DENND3: variants seen among roughly 807,000 people sequenced by gnomAD.
DENND3 encodes the protein DENN domain containing 3.
A neutral mutation model predicts 135.1 loss-of-function variants in DENND3; 88 were observed. That is an observed-to-expected ratio of 0.65 (90% CI 0.55 to 0.78). The LOEUF (loss-of-function observed/expected upper bound fraction) is 0.78. DENND3 is among the 30% of genes least tolerant of loss of function. The pLI, the probability that DENND3 is intolerant of heterozygous loss-of-function variation, is 0.00. For synonymous variants in DENND3, 693 were observed against 712.3 expected, an observed-to-expected ratio of 0.97 and a Z score of 0.43; for missense variants, 1,392 against 1,688.4, an observed-to-expected ratio of 0.82 and a Z score of 3.08.
intron 8 of DENND3, chr8:141,158,116 G>A (rs1819668422): frequency 4.7e-6 from 6 of 1,266,662 alleles, no homozygotes; most frequent in Non-Finnish European, 6.1e-6. Flanking sequence ...AGGCCTTAAA[G>A]CCAAGCGATG....
In DENND3 at chr8:141,175,165, G is replaced by A. The variant is rs147986857; in HGVS notation, c.2276-35G>A. The A allele has an allele frequency of 8.7e-5, 139 of 1,590,958 alleles. No homozygotes were observed. Among genetic ancestry groups the A allele is most frequent in the African/African-American group, 2.3e-4 (17 of 74,260 alleles). On this transcript the variant is annotated intron_variant, in intron 13 of 22. Coordinates refer to ENST00000519811, the MANE Select transcript of DENND3 (RefSeq NM_001352890.3). The surrounding 1 kb of genome is among the most constrained non-coding windows in gnomAD (Gnocchi z 5.4). ...CTTGGGGCTCCCGAGGTATGTGGCTGTAAGATACCTCTCTTTTCTTCTTAT... is the reference window on the plus strand; with the variant it reads ...CTTGGGGCTCCCGAGGTATGTGGCTATAAGATACCTCTCTTTTCTTCTTAT...
At position 141,150,778 on chromosome 8, in the gene DENND3, G is replaced by A. The variant is rs1212210202; in HGVS notation, c.736-56G>A. 8 of 1,517,800 alleles carry A rather than the reference G, an allele frequency of 5.3e-6. No homozygotes were observed. In the African/African-American group the frequency reaches 7.0e-5, roughly 13 times the overall value. 94.0% of individuals were successfully genotyped at this position (1,517,800 alleles called of 1,614,324 possible). A position where few individuals can be genotyped will look rare whatever the true frequency, so the allele number is the denominator to read the frequency against. ...CACCGAAATAGTGACAGTAGTGCAC[G>A]TCAGCCTCTGCCCGGAGCAGCTCTC... On this transcript the variant is annotated intron_variant, in intron 5 of 22. Transcript: ENST00000519811.
intron 5 of DENND3, chr8:141,150,136 C>T (rs1354828438): frequency 2.4e-5 from 8 of 335,628 alleles, no homozygotes; most frequent in South Asian, 4.6e-5. Context: ...CTTTGGGTGC[C>T]GAGCTGGGCA....
intron 1 of DENND3, among the ~76,000 whole-genome samples, chr8:141,135,341 G>A (rs1029960015): frequency 1.3e-5 from 2 of 151,794 alleles, no homozygotes; most frequent in Admixed American, 6.6e-5. Flanking sequence ...TTGTAGAGAC[G>A]AGGTCTCATT....
rs1270330754 is a variant in DENND3, at chr8:141,194,048, C to T, written c.3652C>T (p.Arg1218Ter). ...TCCCTGGCAGGTCTGGGTGGGCAGC[C>T]GAGGGCTGGGGCAGGGAACACCCAA... ...RVKKQVWVGS[R>*]GLGQGTPKGK... The change falls in exon 23 of 23, where the codon CGA becomes TGA. Residue 1218 changes from arginine to a stop codon, truncating the protein, a stop_gained. Transcript: ENST00000519811. LOFTEE classifies it high-confidence loss of function. 23 of 1,613,454 alleles carry T rather than the reference C, an allele frequency of 1.4e-5. No individual in the cohort carries two copies. The highest frequency in any genetic ancestry group is 2.2e-5 in the East Asian group (1 of 44,862).
intron 1 of DENND3, among the ~76,000 whole-genome samples, chr8:141,132,190 G>A (rs1024393120): frequency 6.6e-6 from 1 of 152,096 alleles, no homozygotes; most frequent in Non-Finnish European, 1.5e-5. Flanking sequence ...TGTTATGTAG[G>A]ATGACTACAT....
At chr8:141,155,211 C>T (rs1256657197) in intron 7 of DENND3, among the ~76,000 whole-genome samples, 2 of 152,010 alleles carry the variant, frequency 1.3e-5, no homozygotes, top group African/African-American at 4.8e-5. Flanking sequence ...CACAACCACT[C>T]GAATGCACTT....
chr8:141,194,014 T>TC lies in DENND3; in HGVS notation c.3637-16dup. 6.2e-7 allele frequency: 1 copy of TC among 1,611,180 alleles called. No individual in the cohort carries two copies. The highest frequency in any genetic ancestry group is 8.5e-7 in the Non-Finnish European group (1 of 1,179,328). On this transcript the variant is annotated intron_variant, in intron 22 of 22. Coordinates refer to ENST00000519811, the MANE Select transcript of DENND3 (RefSeq NM_001352890.3). ...AGGGGCTTCTTTCCCTGCTGACCCC[T>TC]CCCGTTTCTCCCTGGCAGGTCTGGG...
intron 7 of DENND3, 35 bp downstream of exon 7, chr8:141,151,872 T>G: frequency 6.2e-7 from 1 of 1,608,396 alleles, no homozygotes; most frequent in Non-Finnish European, 8.5e-7. Flanking sequence ...GAATGCTAAA[T>G]TCCTGTGAGT....
chr8:141,189,407 T>G (rs4961254), intron 19 of DENND3, among the ~76,000 whole-genome samples: 142,774 of 152,356 alleles, frequency 0.94, 67,051 homozygotes, highest in East Asian at 1. Context: ...CTGTGGGCAC[T>G]GTGGCATGGG....
chr8:141,189,101 C>T lies in DENND3; in HGVS notation c.3200C>T (p.Ser1067Phe). The T allele has an allele frequency of 4.3e-6, 7 of 1,614,204 alleles. No individual in the cohort carries two copies. The highest frequency in any genetic ancestry group is 5.9e-6 in the Non-Finnish European group (7 of 1,180,032). ...SCNKQLTAHC[S>F]SVTDLIVQDG... ...AACAAGCAGCTCACAGCCCACTGCT[C>T]CAGTGTCACGGATTTGATTGTGCAG... Residue 1067 changes from serine to phenylalanine, a missense_variant, in exon 19 of 23, where the codon TCC becomes TTC. Physicochemically the swap from Ser to Phe is radical, Grantham distance 155. Transcript: ENST00000519811.
At chr8:141,176,512 C>T (rs1299402001) in intron 14 of DENND3, 79 bp from the exon 15 acceptor site, 3 of 1,555,788 alleles carry the variant, frequency 1.9e-6, no homozygotes, top group Non-Finnish European at 2.7e-6. Flanking sequence ...CATTCCAGAG[C>T]CCGCTCTGCC....
chr8:141,149,456 A>C (rs1818526470), intron 5 of DENND3, among the ~76,000 whole-genome samples: 1 of 152,260 alleles, frequency 6.6e-6, no homozygotes, highest in African/African-American at 2.4e-5. Context: ...AGCACTTCTG[A>C]TATTAAACAT....
At chr8:141,153,197 G>A (rs367777907) in intron 7 of DENND3, among the ~76,000 whole-genome samples, 4 of 150,706 alleles carry the variant, frequency 2.7e-5, no homozygotes, top group East Asian at 3.9e-4. Flanking sequence ...GGGTTCAAGC[G>A]ATTCTCCTGT....
chr8:141,148,883 A>G (rs2154612905), intron 5 of DENND3, among the ~76,000 whole-genome samples: 1 of 152,054 alleles, frequency 6.6e-6, no homozygotes, highest in African/African-American at 2.4e-5. Context: ...TTTCTTTTAC[A>G]TAAAGAACTT....
At chr8:141,150,385 A>G in intron 5 of DENND3, 1 of 1,164,248 alleles carries the variant, frequency 8.6e-7, no homozygotes, top group Non-Finnish European at 1.1e-6. Context: ...TTAAAATTTG[A>G]AATGCACATG....
At chr8:141,140,899 C>G (rs951029876) in intron 3 of DENND3, among the ~76,000 whole-genome samples, 1 of 152,212 alleles carries the variant, frequency 6.6e-6, no homozygotes, top group Admixed American at 6.5e-5. Context: ...AAAGCAGAGT[C>G]CTTTGTGTGT....
chr8:141,185,322 G>T, intron 18 of DENND3, 44 bp downstream of exon 18: 1 of 1,611,098 alleles, frequency 6.2e-7, no homozygotes, highest in Middle Eastern at 1.7e-4. Context: ...GAATTCACGT[G>T]ATTTCTGAAA....
chr8:141,135,633 T>G (rs1394537829), intron 1 of DENND3, among the ~76,000 whole-genome samples: 1 of 152,214 alleles, frequency 6.6e-6, no homozygotes, highest in East Asian at 1.9e-4. Flanking sequence ...TGGAAAGATC[T>G]GAAATCAGCC....
Sources: allele counts gnomAD v4.1 joint callset (sites outside exome capture counted in the v4.1 genomes callset), GRCh38; gene constraint gnomAD v4.1.1; non-coding constraint Gnocchi (gnomAD v3.1); transcripts MANE v1.5; gene names NCBI Gene and HGNC (gene_info 2026-07-23, HGNC 2026-07-21).